The following PDGFB variants were observed in gnomAD, a reference collection of about 807,000 sequenced individuals.
The protein encoded by PDGFB is platelet derived growth factor subunit B, also known as platelet-derived growth factor subunit B.
Under a neutral mutation model 29.0 loss-of-function variants are expected in PDGFB, and 6 were observed. The ratio of observed to expected loss-of-function variants is 0.21; its 90% CI spans 0.11 to 0.41. The LOEUF (loss-of-function observed/expected upper bound fraction) is 0.41, where lower values mean the gene tolerates loss of function less well. Ranked by LOEUF, PDGFB falls within the 10% of genes least tolerant of loss-of-function variation. The pLI is 1.00. For synonymous variants in PDGFB, 144 were observed against 140.8 expected (o/e 1.02, Z -0.16); for missense variants, 299 against 341.8 (o/e 0.87, Z 0.99).
chr22:39,240,043 G>A (rs1932531238), intron 1 of PDGFB, among the ~76,000 whole-genome samples: 1 of 152,232 alleles, frequency 6.6e-6, no homozygotes, highest in Admixed American at 6.5e-5. Flanking sequence ...CCCCTTTGAA[G>A]AAGCCCTCTC....
intron 1 of PDGFB, among the ~76,000 whole-genome samples, chr22:39,238,688 C>G (rs930739421): frequency 1.3e-5 from 2 of 152,260 alleles, no homozygotes; most frequent in Non-Finnish European, 2.9e-5. Flanking sequence ...CACCATGGGG[C>G]GTCTCAGCCT....
Position 39,243,994 on chromosome 22 carries a change from C to T in PDGFB, c.-31G>A. The T allele has an allele frequency of 7.5e-7, 1 of 1,341,412 alleles. No individual in the cohort carries two copies. Among genetic ancestry groups the T allele is most frequent in the Non-Finnish European group, 9.9e-7 (1 of 1,008,018 alleles). 83.1% of individuals were successfully genotyped at this position (1,341,412 alleles called of 1,614,324 possible). On this transcript the variant is annotated 5_prime_UTR_variant, in exon 1 of 7. Coordinates refer to ENST00000331163, the MANE Select transcript of PDGFB (RefSeq NM_002608.4). This position sits in a 1 kb window ranked among gnomAD's most constrained non-coding sequence, Gnocchi z 6.4. ...CTCCGGGCCCGGCCCCGCGGGGCCC[C>T]GGACGCGTAGATCGAGCGCGCCGCC...
At chr22:39,228,414 C>A (rs1240711867) in intron 5 of PDGFB, among the ~76,000 whole-genome samples, 1 of 151,582 alleles carries the variant, frequency 6.6e-6, no homozygotes, top group African/African-American at 2.4e-5. Flanking sequence ...CGAATCAAGA[C>A]CTCATCTCTA....
Position 39,225,765 on chromosome 22 carries a change from G to T in PDGFB, c.684C>A (p.His228Gln). 6.2e-7 allele frequency: 1 copy of T among 1,614,172 alleles called. No individual in the cohort carries two copies. The highest frequency in any genetic ancestry group is 1.1e-5 in the South Asian group (1 of 91,082). Residue 228 changes from histidine to glutamine, a missense_variant, in exon 6 of 7, where the codon CAC becomes CAA. Physicochemically the swap from His to Gln is conservative, Grantham distance 24. Coordinates refer to ENST00000331163, the MANE Select transcript of PDGFB (RefSeq NM_002608.4). ...PPKGKHRKFK[H>Q]THDKTALKET... is the part of the protein sequence containing the mutation. ...CCTTCAGTGCCGTCTTGTCATGCGT[G>T]TGCTTGAATTTCCGGTGCTTGCCCT...
Position 39,231,766 on chromosome 22 carries a change from G to A in PDGFB, c.312C>T (p.Phe104=), listed in dbSNP as rs757018789. The A allele has an allele frequency of 5.9e-5, 96 of 1,613,494 alleles. 3 individuals carry two copies. In the South Asian group the frequency reaches 8.1e-4, roughly 14 times the overall value. Residue 104 remains phenylalanine (F), a synonymous_variant, in exon 4 of 7, where the codon TTC becomes TTT. Coordinates refer to ENST00000331163, the MANE Select transcript of PDGFB (RefSeq NM_002608.4). The surrounding 1 kb of genome is among the most constrained non-coding windows in gnomAD (Gnocchi z 4.3). ...IAECKTRTEV[F]EISRRLIDRT... ...GGTCTATGAGGCGCCGGGAGATCTCGAACACCTCGGTGCGCGTCTTGCACT... is the reference window on the plus strand; with the variant it reads ...GGTCTATGAGGCGCCGGGAGATCTCAAACACCTCGGTGCGCGTCTTGCACT...
Position 39,243,270 on chromosome 22 carries a change from C to T in PDGFB, c.63+631G>A, listed in dbSNP as rs868037592. On this transcript the variant is annotated intron_variant, in intron 1 of 6. Transcript: ENST00000331163. This position sits in a 1 kb window ranked among gnomAD's most constrained non-coding sequence, Gnocchi z 6.4. ...TCTCTCCGTCTCTCTCTCTCTCTCT[C>T]TCTTTCTCTCTCTCTCTCTCTCTCT... Among the ~76,000 whole-genome samples, 3 of 140,984 alleles carry T rather than the reference C, an allele frequency of 2.1e-5. No homozygotes were observed. Among genetic ancestry groups the T allele is most frequent in the South Asian group, 4.9e-4 (2 of 4,118 alleles). The allele number at this position is 140,984 out of a possible 152,430, so 92.5% of individuals were successfully genotyped here.
intron 1 of PDGFB, chr22:39,241,077 G>T: frequency 1.6e-6 from 1 of 632,484 alleles, no homozygotes; most frequent in Non-Finnish European, 2.8e-6. Context: ...AAAGCCAGAG[G>T]AAGCTGGATG....
At chr22:39,228,951 T>G (rs1410319371) in intron 5 of PDGFB, among the ~76,000 whole-genome samples, 1 of 151,032 alleles carries the variant, frequency 6.6e-6, no homozygotes, top group African/African-American at 2.4e-5. Context: ...ACCCTCCATA[T>G]TAACTCAATA....
chr22:39,241,051 C>A, intron 1 of PDGFB: 1 of 690,598 alleles, frequency 1.4e-6, no homozygotes, highest in South Asian at 1.7e-5. Context: ...GTCTCCTGCC[C>A]CCTAGGGCCA....
chr22:39,228,405 G>A (rs189320519), intron 5 of PDGFB, among the ~76,000 whole-genome samples: 218 of 150,900 alleles, frequency 1.4e-3, no homozygotes, highest in African/African-American at 5.2e-3. Flanking sequence ...CCTGAGCAAC[G>A]AATCAAGACC....
intron 2 of PDGFB, among the ~76,000 whole-genome samples, chr22:39,234,336 C>A (rs533353486): frequency 5.9e-5 from 9 of 152,302 alleles, no homozygotes; most frequent in Admixed American, 3.3e-4. Context: ...GAGCCCATGG[C>A]CAGAGGTTGG....
chr22:39,239,035 A>G (rs952028260), intron 1 of PDGFB, among the ~76,000 whole-genome samples: 1 of 152,276 alleles, frequency 6.6e-6, no homozygotes, highest in Non-Finnish European at 1.5e-5. Context: ...ATCTTGTCAC[A>G]ATCTAAAACC....
In PDGFB at chr22:39,242,153, C is replaced by T. The variant is rs1425172397; in HGVS notation, c.63+1748G>A. 2 of 220,240 alleles carry T rather than the reference C, an allele frequency of 9.1e-6. No individual in the cohort carries two copies. Among genetic ancestry groups the T allele is most frequent in the Non-Finnish European group, 1.8e-5 (2 of 109,704 alleles). 13.6% of individuals were successfully genotyped at this position (220,240 alleles called of 1,614,324 possible). On this transcript the variant is annotated intron_variant, in intron 1 of 6. Transcript: ENST00000331163. This position sits in a 1 kb window ranked among gnomAD's most constrained non-coding sequence, Gnocchi z 5.7. ...CAGGGGCCGTGCGTGCGTTTGTGTG[C>T]GGTGCGCGCGCGTGTGTCCCGCGTG...
chr22:39,228,415 C>A (rs935706906), intron 5 of PDGFB, among the ~76,000 whole-genome samples: 1 of 151,760 alleles, frequency 6.6e-6, no homozygotes, highest in Non-Finnish European at 1.5e-5. Context: ...GAATCAAGAC[C>A]TCATCTCTAC....
chr22:39,225,955 G>A, intron 5 of PDGFB, 108 bp from the exon 6 acceptor site: 1 of 1,304,066 alleles, frequency 7.7e-7, no homozygotes, highest in Non-Finnish European at 1.0e-6. Context: ...AGGGACAGGA[G>A]GGGAATCTGG....
rs771278236 is a variant in PDGFB at position 39,231,858 on chromosome 22, G to T, written c.251-31C>A. On this transcript the variant is annotated intron_variant, in intron 3 of 6. Transcript: ENST00000331163. This position sits in a 1 kb window ranked among gnomAD's most constrained non-coding sequence, Gnocchi z 4.3. Reference sequence around the variant, plus strand: ...AGGAGACGAAACCTGGGTCAGGAGCGTAGGCCTGTCCAGAGTCCCCCCACT... The same window carrying T: ...AGGAGACGAAACCTGGGTCAGGAGCTTAGGCCTGTCCAGAGTCCCCCCACT... The T allele has an allele frequency of 3.8e-6, 6 of 1,589,828 alleles. No individual in the cohort carries two copies. The African/African-American group carries it at 5.4e-5, about 14-fold the overall frequency.
rs907926800 is a variant in PDGFB, at chr22:39,231,827, C to T, written c.251G>A (p.Gly84Asp). 3 of 1,612,372 alleles carry T rather than the reference C, an allele frequency of 1.9e-6. No individual in the cohort carries two copies. Among genetic ancestry groups the T allele is most frequent in the Non-Finnish European group, 2.5e-6 (3 of 1,179,726 alleles). ...ESLARGRRSL[G>D]SLTIAEPAMI... ...GGCCGGCTCAGCAATGGTCAGGGAA[C>T]CTGGGAGGAGACGAAACCTGGGTCA... The change falls in exon 4 of 7, where the codon GGT becomes GAT. Residue 84 changes from glycine to aspartate, a missense_variant and splice_region_variant. Gly to Asp is a moderately conservative substitution (Grantham distance 94). Transcript: ENST00000331163. The surrounding 1 kb of genome is among the most constrained non-coding windows in gnomAD (Gnocchi z 4.3).
chr22:39,231,191 T>C lies in PDGFB; in HGVS notation c.456+431A>G, dbSNP rs1311214882. Among the ~76,000 whole-genome samples the C allele has an allele frequency of 6.6e-6, 1 of 152,222 alleles. No homozygotes were observed. Among genetic ancestry groups the C allele is most frequent in the African/African-American group, 2.4e-5 (1 of 41,464 alleles). On this transcript the variant is annotated intron_variant, in intron 4 of 6. Transcript: ENST00000331163. This position sits in a 1 kb window ranked among gnomAD's most constrained non-coding sequence, Gnocchi z 4.3. ...AGATGCAGGGCCACCCATCTGAGCC[T>C]TTCTCAAGACAGCCCTGAATAGGGA...
At chr22:39,227,517 C>A (rs1007260841) in intron 5 of PDGFB, among the ~76,000 whole-genome samples, 2 of 152,232 alleles carry the variant, frequency 1.3e-5, no homozygotes, top group Non-Finnish European at 2.9e-5. Flanking sequence ...CTGTTCTATG[C>A]TCATTTCCCT....
Sources: gnomAD v4.1 joint callset for allele counts (sites outside exome capture counted in the v4.1 genomes callset) on GRCh38, gnomAD v4.1.1 for gene constraint, Gnocchi (gnomAD v3.1) non-coding constraint, MANE v1.5 for transcripts, NCBI Gene and HGNC (gene_info 2026-07-23, HGNC 2026-07-21) for gene names.